Variants in FAM184A observed in about 807,000 individuals in gnomAD.
The protein encoded by FAM184A is protein FAM184A.
FAM184A carries 99 observed loss-of-function variants against 143.8 expected under a neutral mutation model. That is an observed-to-expected ratio of 0.69 (90% CI 0.58 to 0.81). The LOEUF (loss-of-function observed/expected upper bound fraction) is 0.81. Among genes scored for constraint, FAM184A ranks in the 40% least tolerant of loss-of-function variants. The probability of loss-of-function intolerance (pLI) is 0.00; values close to 1 mark genes in which losing one functional copy is unlikely to be tolerated. For synonymous variants in FAM184A, 427 were observed against 446.4 expected (o/e 0.96, Z 0.55); for missense variants, 1,217 against 1,310.5 (o/e 0.93, Z 1.10).
At chr6:119,120,272 G>T (rs533084725) in intron 1 of FAM184A, among the ~76,000 whole-genome samples, 204 of 152,174 alleles carry the variant, frequency 1.3e-3, no homozygotes, top group South Asian at 2.7e-3. Context: ...TACAATATAT[G>T]GTATTCTGTA....
chr6:119,066,368 T>C (rs1787452436), intron 1 of FAM184A, among the ~76,000 whole-genome samples: 1 of 152,190 alleles, frequency 6.6e-6, no homozygotes, highest in Non-Finnish European at 1.5e-5. Context: ...GAAGGATCCT[T>C]GTGATTACAG....
intron 11 of FAM184A, 59 bp from the exon 12 acceptor site, chr6:118,976,103 G>A: frequency 6.6e-7 from 1 of 1,519,118 alleles, no homozygotes; most frequent in Non-Finnish European, 8.9e-7. Context: ...CAATACTTTA[G>A]ATAAAAATTA....
chr6:119,119,439 C>T (rs1234819757), intron 1 of FAM184A, among the ~76,000 whole-genome samples: 2 of 152,200 alleles, frequency 1.3e-5, no homozygotes, highest in African/African-American at 4.8e-5. Flanking sequence ...TAAAATTTCT[C>T]TCTTTTGTAC....
chr6:118,984,392 G>A (rs866205440), intron 9 of FAM184A, among the ~76,000 whole-genome samples: 2 of 151,620 alleles, frequency 1.3e-5, no homozygotes, highest in Non-Finnish European at 2.9e-5. Context: ...TGCCCAGGCT[G>A]GTCTTGAACT....
In FAM184A at chr6:119,024,897, A is replaced by G; in HGVS notation, c.160-84T>C. On this transcript the variant is annotated intron_variant, in intron 1 of 17. Transcript: ENST00000338891. ...GAAGTCAATTCTTTCATTTGGATTG[A>G]TATTTTTCTATGCACATAATATTGG... The G allele has an allele frequency of 1.6e-6, 2 of 1,250,670 alleles. 1 individual carries two copies. The highest frequency in any genetic ancestry group is 3.0e-5 in the South Asian group (2 of 67,046). The allele number at this position is 1,250,670 out of a possible 1,614,324, so 77.5% of individuals were successfully genotyped here.
intron 8 of FAM184A, 42 bp downstream of exon 8, chr6:119,003,459 T>C (rs747510634): frequency 7.0e-6 from 11 of 1,579,800 alleles, no homozygotes; most frequent in Non-Finnish European, 7.7e-6. Context: ...AAAAACTTTC[T>C]TGCATGTCTT....
intron 9 of FAM184A, among the ~76,000 whole-genome samples, chr6:118,990,699 C>A (rs1784351251): frequency 6.7e-6 from 1 of 150,300 alleles, no homozygotes; most frequent in Admixed American, 6.7e-5. Context: ...AACCTCGTCT[C>A]TACCAAAAAT....
intron 9 of FAM184A, among the ~76,000 whole-genome samples, chr6:118,998,026 T>C (rs1784626072): frequency 6.6e-6 from 1 of 152,106 alleles, no homozygotes; most frequent in African/African-American, 2.4e-5. Flanking sequence ...TCCTACTGAG[T>C]ATGAAAAATT....
chr6:119,061,360 C>CA (rs1554193174), intron 1 of FAM184A, among the ~76,000 whole-genome samples: 1 of 150,160 alleles, frequency 6.7e-6, no homozygotes, highest in Non-Finnish European at 1.5e-5. Flanking sequence ...TTCTTTCTTT[C>CA]TTTTTTTTTA....
intron 1 of FAM184A, among the ~76,000 whole-genome samples, chr6:119,054,362 C>A (rs185123407): frequency 6.6e-6 from 1 of 152,302 alleles, no homozygotes; most frequent in Admixed American, 6.5e-5. Flanking sequence ...CTTACAGTTC[C>A]AGAGGCTGGA....
chr6:119,084,819 C>T (rs1188842028), intron 1 of FAM184A, among the ~76,000 whole-genome samples: 1 of 152,268 alleles, frequency 6.6e-6, no homozygotes, highest in Non-Finnish European at 1.5e-5. Context: ...AACTCTTGCA[C>T]TCTGCACATC....
At chr6:119,143,198 C>CTTTA (rs1291977864) in intron 1 of FAM184A, among the ~76,000 whole-genome samples, 1 of 152,120 alleles carries the variant, frequency 6.6e-6, no homozygotes, top group Non-Finnish European at 1.5e-5. Flanking sequence ...ATGATTATTC[C>CTTTA]TTTAGTAGGA....
chr6:118,970,739 A>G (rs1005698204), intron 14 of FAM184A, among the ~76,000 whole-genome samples: 2 of 152,100 alleles, frequency 1.3e-5, no homozygotes, highest in Non-Finnish European at 2.9e-5. Flanking sequence ...AGAAAGGGGG[A>G]AAAAAGGAGA....
At chr6:119,118,461 A>G (rs1789119538) in intron 1 of FAM184A, among the ~76,000 whole-genome samples, 1 of 152,232 alleles carries the variant, frequency 6.6e-6, no homozygotes. Context: ...TGTTGCGGGA[A>G]GTCAGGGACC....
At chr6:118,983,107 A>T (rs897461784) in intron 9 of FAM184A, among the ~76,000 whole-genome samples, 1 of 152,208 alleles carries the variant, frequency 6.6e-6, no homozygotes, top group Non-Finnish European at 1.5e-5. Context: ...GGCCATCGAA[A>T]ATCTTTGAAT....
intron 4 of FAM184A, among the ~76,000 whole-genome samples, chr6:119,019,397 A>C (rs1204526192): frequency 6.6e-6 from 1 of 152,226 alleles, no homozygotes; most frequent in Non-Finnish European, 1.5e-5. Context: ...AATGAATGGA[A>C]GTAAGTAAAG....
At chr6:119,033,595 G>A (rs1323182045) in intron 1 of FAM184A, among the ~76,000 whole-genome samples, 1 of 151,032 alleles carries the variant, frequency 6.6e-6, no homozygotes, top group Non-Finnish European at 1.5e-5. Flanking sequence ...TACCCAGGAG[G>A]TGGAGGTTGC....
At chr6:119,095,866 T>A (rs532610100) in intron 1 of FAM184A, among the ~76,000 whole-genome samples, 72 of 152,320 alleles carry the variant, frequency 4.7e-4, no homozygotes, top group African/African-American at 1.7e-3. Context: ...GACAGGTTTT[T>A]CTATTTTTTT....
intron 1 of FAM184A, among the ~76,000 whole-genome samples, chr6:119,028,834 T>C (rs568899271): frequency 6.6e-6 from 1 of 152,274 alleles, no homozygotes; most frequent in South Asian, 2.1e-4. Context: ...TCTTGTGGGA[T>C]TGAGCCTTTA....
Sources: gnomAD v4.1 joint callset for allele counts (sites outside exome capture counted in the v4.1 genomes callset) on GRCh38, gnomAD v4.1.1 for gene constraint, MANE v1.5 for transcripts, NCBI Gene and HGNC (gene_info 2026-07-23, HGNC 2026-07-21) for gene names.